The following TMEM201 variants were observed in gnomAD, a reference collection of about 807,000 sequenced individuals.
TMEM201 encodes transmembrane protein 201, also known as RP13-15M17.2.
In TMEM201, 26 loss-of-function variants were observed where a neutral mutation model predicts 63.4. The ratio of observed to expected loss-of-function variants is 0.41; its 90% CI spans 0.30 to 0.57. TMEM201 has a LOEUF of 0.57. TMEM201 is among the 20% of genes least tolerant of loss of function. TMEM201 has a pLI of 0.29. For missense variants in TMEM201, 794 were observed against 917.7 expected, an observed-to-expected ratio of 0.87 and a Z score of 1.74; for synonymous variants, 417 against 421.6, an observed-to-expected ratio of 0.99 and a Z score of 0.14.
intron 5 of TMEM201, 109 bp downstream of exon 5, chr1:9,601,563 C>A: frequency 9.4e-7 from 1 of 1,061,074 alleles, no homozygotes. Context: ...CTAGGCTGAA[C>A]TCCACCATGT....
Position 9,610,897 on chromosome 1 carries a change from C to G in TMEM201, c.1765+92C>G. The G allele has an allele frequency of 6.7e-7, 1 of 1,492,070 alleles. No homozygotes were observed. Among genetic ancestry groups the G allele is most frequent in the Non-Finnish European group, 9.0e-7 (1 of 1,116,726 alleles). The allele number at this position is 1,492,070 out of a possible 1,614,324, so 92.4% of individuals were successfully genotyped here. A position where few individuals can be genotyped will look rare whatever the true frequency, so the allele number is the denominator to read the frequency against. ...GGCGGTGGGGGGGCTCATCCTTGCT[C>G]TGACTCCGGTGTGCGCCTTCCCACC... On this transcript the variant is annotated intron_variant, in intron 9 of 10. Transcript: ENST00000340381. This position sits in a 1 kb window ranked among gnomAD's most constrained non-coding sequence, Gnocchi z 4.9.
Position 9,610,802 on chromosome 1 carries a change from C to T in TMEM201, c.1762C>T (p.Leu588=), listed in dbSNP as rs1289895864. 4 of 1,537,346 alleles carry T rather than the reference C, an allele frequency of 2.6e-6. No homozygotes were observed. The highest frequency in any genetic ancestry group is 8.8e-7 in the Non-Finnish European group (1 of 1,138,018). ...KPPLQDVKHA[L]DLRSKLERGS... The stretch of plus-strand genomic sequence containing the variant: ...GCCCCTGCAGGACGTGAAGCACGCC[C>T]TGGGTACGGCCTTCTGACCACCCCA... The change falls in exon 9 of 11, where the codon CTG becomes TTG. Residue 588 remains leucine (L), a synonymous_variant. Coordinates refer to ENST00000340381, the MANE Select transcript of TMEM201 (RefSeq NM_001130924.3). The surrounding 1 kb of genome is among the most constrained non-coding windows in gnomAD (Gnocchi z 4.9).
At chr1:9,600,421 G>C (rs1166887213) in intron 4 of TMEM201, among the ~76,000 whole-genome samples, 10 of 152,154 alleles carry the variant, frequency 6.6e-5, no homozygotes, top group Non-Finnish European at 1.5e-4. Context: ...CACCAAGGCT[G>C]CTAGGAGGAC....
In TMEM201 at chr1:9,595,869, C is replaced by T. The variant is rs750621538; in HGVS notation, c.114-21C>T. ...GGTGCTGGGGTCTTCCAGGCCAACCCGCTCTTTCCTTGGTCCACAGGATGA... is the reference window on the plus strand; with the variant it reads ...GGTGCTGGGGTCTTCCAGGCCAACCTGCTCTTTCCTTGGTCCACAGGATGA... On this transcript the variant is annotated intron_variant, in intron 1 of 10. Transcript: ENST00000340381. 114 of 1,612,116 alleles carry T rather than the reference C, an allele frequency of 7.1e-5. No homozygotes were observed. The East Asian group carries it at 1.9e-3, about 27-fold the overall frequency.
rs867359537 is a variant in TMEM201 at position 9,610,699 on chromosome 1, G to A, written c.1659G>A (p.Thr553=). The A allele has an allele frequency of 7.1e-6, 11 of 1,550,354 alleles. No homozygotes were observed. The South Asian group carries it at 8.3e-5, about 12-fold the overall frequency. The change falls in exon 9 of 11, where the codon ACG becomes ACA. Residue 553 remains threonine, a synonymous_variant. Transcript: ENST00000340381. The surrounding 1 kb of genome is among the most constrained non-coding windows in gnomAD (Gnocchi z 4.9). The part of the protein sequence containing the change: ...FPSPPGEAPT[T]PSSSDEHSPH... ...CACCCCCTGGAGAGGCCCCCACCAC[G>A]CCCAGCAGCTCCGATGAGCACTCGC...
intron 6 of TMEM201, chr1:9,602,616 A>G: frequency 8.2e-7 from 1 of 1,215,260 alleles, no homozygotes; most frequent in African/African-American, 1.5e-5. Context: ...TGGCAGCTCC[A>G]GGCACCCCCC....
Position 9,604,900 on chromosome 1 carries a change from G to A in TMEM201, c.1160+2628G>A, listed in dbSNP as rs1442857708. On this transcript the variant is annotated intron_variant, in intron 6 of 10. Transcript: ENST00000340381. The surrounding 1 kb of genome is among the most constrained non-coding windows in gnomAD (Gnocchi z 4.1). ...AACCATCGCGCCTGGCCTAGATGTCGTGTTTTGGATGCTGTGTTTTCAATA... is the reference window on the plus strand; with the variant it reads ...AACCATCGCGCCTGGCCTAGATGTCATGTTTTGGATGCTGTGTTTTCAATA... 3.0e-5 allele frequency: 30 copies of A among 985,940 alleles called. No homozygotes were observed. The highest frequency in any genetic ancestry group is 5.2e-4 in the Middle Eastern group (1 of 1,914). The allele number at this position is 985,940 out of a possible 1,614,324, so 61.1% of individuals were successfully genotyped here. A position where few individuals can be genotyped will look rare whatever the true frequency, so the allele number is the denominator to read the frequency against.
chr1:9,607,641 GTC>G lies in TMEM201; in HGVS notation c.1249_1250del (p.Leu417ValfsTer56). ...PHPSVGGSPA[S>X]LFIPSPPSFL... Reference sequence around the variant, plus strand: ...ACCCGAGTGTCGGAGGCTCTCCAGCGTCTCTGTTCATCCCCAGCCCGCCCAGC... The same window carrying G: ...ACCCGAGTGTCGGAGGCTCTCCAGCGTCTGTTCATCCCCAGCCCGCCCAGC... On this transcript the variant is annotated frameshift_variant, in exon 7 of 11. Coordinates refer to ENST00000340381, the MANE Select transcript of TMEM201 (RefSeq NM_001130924.3). LOFTEE classifies it high-confidence loss of function. The surrounding 1 kb of genome is among the most constrained non-coding windows in gnomAD (Gnocchi z 5.4). 1 of 1,551,804 alleles carries G rather than the reference GTC, an allele frequency of 6.4e-7. No homozygotes were observed. The highest frequency in any genetic ancestry group is 8.7e-7 in the Non-Finnish European group (1 of 1,147,070).
chr1:9,611,776 G>A lies in TMEM201; in HGVS notation c.1789G>A (p.Gly597Ser), dbSNP rs750046192. 50 of 1,551,176 alleles carry A rather than the reference G, an allele frequency of 3.2e-5. No individual in the cohort carries two copies. The highest frequency in any genetic ancestry group is 3.3e-4 in the Middle Eastern group (2 of 6,016). Residue 597 changes from glycine (G) to serine (S), a missense_variant, in exon 10 of 11, where the codon GGC becomes AGC. Physicochemically the swap from Gly to Ser is moderately conservative, Grantham distance 56. Transcript: ENST00000340381. ...ALDLRSKLERGSACSNRSIKK... is the reference protein window; with the variant it reads ...ALDLRSKLERSSACSNRSIKK... ...AGACCTGAGATCCAAGCTGGAAAGAGGCAGTGCCTGCAGCAACCGCTCCAT... is the reference window on the plus strand; with the variant it reads ...AGACCTGAGATCCAAGCTGGAAAGAAGCAGTGCCTGCAGCAACCGCTCCAT...
chr1:9,597,390 C>A (rs1347846391), intron 3 of TMEM201, among the ~76,000 whole-genome samples: 1 of 152,200 alleles, frequency 6.6e-6, no homozygotes, highest in Non-Finnish European at 1.5e-5. Context: ...GAGGAAGGGA[C>A]CTTGGGTTCC....
intron 3 of TMEM201, among the ~76,000 whole-genome samples, 196 bp from the exon 4 acceptor site, chr1:9,598,253 C>T (rs1320878625): frequency 1.3e-5 from 2 of 151,950 alleles, no homozygotes; most frequent in Non-Finnish European, 2.9e-5. Flanking sequence ...CTCTAACTCC[C>T]GGTAGTCCAC....
At chr1:9,595,143 C>T (rs1643993695) in intron 1 of TMEM201, among the ~76,000 whole-genome samples, 1 of 152,170 alleles carries the variant, frequency 6.6e-6, no homozygotes, top group South Asian at 2.1e-4. Context: ...CTCTGCCCAC[C>T]CCTCCCCAGT....
intron 2 of TMEM201, 33 bp downstream of exon 2, chr1:9,596,043 C>T (rs755138901): frequency 1.0e-5 from 16 of 1,604,640 alleles, no homozygotes; most frequent in South Asian, 2.2e-5. Flanking sequence ...CGGGTGGGCA[C>T]GCGGGGGTGG....
intron 1 of TMEM201, among the ~76,000 whole-genome samples, chr1:9,593,948 C>T (rs1321680755): frequency 3.3e-5 from 5 of 152,238 alleles, no homozygotes; most frequent in Admixed American, 6.5e-5. Context: ...CTTAGTTGCC[C>T]GGGAGTGCTA....
rs1008542771 is a variant in TMEM201, at chr1:9,614,628, T to G, written c.*1545T>G. The stretch of plus-strand genomic sequence containing the variant: ...GCAGGCGTGTGTGTGTGTGTCGAGG[T>G]TTTTTATTTTTTGCTTAATCAAACT... On this transcript the variant is annotated 3_prime_UTR_variant, in exon 11 of 11. Transcript: ENST00000340381. 3 of 151,700 alleles carry G rather than the reference T, an allele frequency of 2.0e-5. No homozygotes were observed. Among genetic ancestry groups the G allele is most frequent in the Non-Finnish European group, 2.9e-5 (2 of 67,950 alleles). The allele number at this position is 151,700 out of a possible 1,614,324, so 9.4% of individuals were successfully genotyped here. A position where few individuals can be genotyped will look rare whatever the true frequency, so the allele number is the denominator to read the frequency against.
intron 1 of TMEM201, among the ~76,000 whole-genome samples, chr1:9,592,815 C>T (rs948188308): frequency 6.6e-6 from 1 of 152,204 alleles, no homozygotes; most frequent in Non-Finnish European, 1.5e-5. Context: ...AGGGGCTCGG[C>T]ATCGAGCTAG....
chr1:9,598,558 G>T lies in TMEM201; in HGVS notation c.539G>T (p.Arg180Leu). The T allele has an allele frequency of 1.2e-6, 2 of 1,613,710 alleles. No individual in the cohort carries two copies. The highest frequency in any genetic ancestry group is 1.7e-6 in the Non-Finnish European group (2 of 1,180,010). The change falls in exon 4 of 11, where the codon CGC becomes CTC. Residue 180 changes from arginine (R) to leucine (L), a missense_variant. Arg to Leu is a moderately radical substitution (Grantham distance 102). Coordinates refer to ENST00000340381, the MANE Select transcript of TMEM201 (RefSeq NM_001130924.3). ...GAGTACTACATCAAGCACCAGAACC[G>T]CCAGCTGCGCGCCCTGTTGCTCAGC... ...AVEYYIKHQN[R>L]QLRALLLSHQ...
intron 4 of TMEM201, among the ~76,000 whole-genome samples, chr1:9,600,660 T>A (rs1360067395): frequency 2.6e-5 from 4 of 152,152 alleles, no homozygotes; most frequent in Non-Finnish European, 5.9e-5. Flanking sequence ...GGCTCACACC[T>A]GTAATCCCAG....
Position 9,607,337 on chromosome 1 carries a change from TG to T in TMEM201, c.1161-216del. 6.6e-6 allele frequency among the ~76,000 whole-genome samples: 1 copy of T among 151,112 alleles called. No individual in the cohort carries two copies. The highest frequency in any genetic ancestry group is 3.4e-3 in the Middle Eastern group (1 of 294). ...AGCCGAGGGGGTAGGAGGGGGCATG[TG>T]GGGAGGGCCGGGTCTTGCTGGCACC... is the stretch of plus-strand genomic sequence containing the variant. On this transcript the variant is annotated intron_variant, in intron 6 of 10. Coordinates refer to ENST00000340381, the MANE Select transcript of TMEM201 (RefSeq NM_001130924.3). This position sits in a 1 kb window ranked among gnomAD's most constrained non-coding sequence, Gnocchi z 5.4.
Sources: gnomAD v4.1 joint callset for allele counts (sites outside exome capture counted in the v4.1 genomes callset) on GRCh38, gnomAD v4.1.1 for gene constraint, Gnocchi (gnomAD v3.1) non-coding constraint, MANE v1.5 for transcripts, NCBI Gene and HGNC (gene_info 2026-07-23, HGNC 2026-07-21) for gene names.